The following SYN2 variants were observed in gnomAD, a reference collection of about 807,000 sequenced individuals.
The protein encoded by SYN2 is synapsin-2.
SYN2 carries 19 observed loss-of-function variants against 50.9 expected under a neutral mutation model. The ratio of observed to expected loss-of-function variants is 0.37; its 90% confidence interval spans 0.26 to 0.55. The LOEUF (loss-of-function observed/expected upper bound fraction) is 0.55. Ranked by LOEUF, SYN2 falls within the 20% of genes least tolerant of loss-of-function variation. The pLI, the probability that SYN2 is intolerant of heterozygous loss-of-function variation, is 0.81. For missense variants in SYN2, 587 were observed against 576.4 expected (o/e 1.02, Z -0.19); for synonymous variants, 255 against 224.9 (o/e 1.13, Z -1.20).
chr3:12,081,423 CA>C (rs1453011930), intron 1 of SYN2, among the ~76,000 whole-genome samples: 1 of 151,950 alleles, frequency 6.6e-6, no homozygotes, highest in Non-Finnish European at 1.5e-5. Flanking sequence ...TTTTTGTGCA[CA>C]TTATTAGATT....
chr3:12,108,624 T>A (rs1306706159), intron 1 of SYN2, among the ~76,000 whole-genome samples: 1 of 152,238 alleles, frequency 6.6e-6, no homozygotes, highest in Non-Finnish European at 1.5e-5. Flanking sequence ...ACAGAGTCCC[T>A]CTTTTTTGTA....
intron 2 of SYN2, among the ~76,000 whole-genome samples, 169 bp from the exon 3 acceptor site, chr3:12,141,736 T>A (rs994757561): frequency 6.6e-6 from 1 of 152,234 alleles, no homozygotes; most frequent in Non-Finnish European, 1.5e-5. Context: ...GATAATTATC[T>A]CTGTCCCACC....
intron 1 of SYN2, among the ~76,000 whole-genome samples, chr3:12,005,474 T>TGGC (rs1291466186): frequency 2.6e-5 from 4 of 152,016 alleles, no homozygotes; most frequent in Non-Finnish European, 4.4e-5. Flanking sequence ...ACACATGTAG[T>TGGC]GGCCCAGGTG....
chr3:12,083,736 G>A (rs918930490), intron 1 of SYN2, among the ~76,000 whole-genome samples: 1 of 152,156 alleles, frequency 6.6e-6, no homozygotes, highest in African/African-American at 2.4e-5. Context: ...GTGGTCTCTG[G>A]TGAGAATGAT....
At chr3:12,122,792 G>C (rs963810192) in intron 1 of SYN2, among the ~76,000 whole-genome samples, 1 of 151,798 alleles carries the variant, frequency 6.6e-6, no homozygotes, top group African/African-American at 2.4e-5. Context: ...ACCCTCTTAA[G>C]CTGTTAAAAA....
chr3:12,045,537 C>T (rs1425403854), intron 1 of SYN2, among the ~76,000 whole-genome samples: 1 of 152,142 alleles, frequency 6.6e-6, no homozygotes, highest in Non-Finnish European at 1.5e-5. Context: ...GAGAGACTAC[C>T]ACCACTATTG....
At chr3:12,047,869 G>A (rs1039322422) in intron 1 of SYN2, among the ~76,000 whole-genome samples, 3 of 152,196 alleles carry the variant, frequency 2.0e-5, no homozygotes, top group African/African-American at 7.2e-5. Flanking sequence ...TTTGAAGAAA[G>A]CATTTAACCT....
chr3:12,123,231 A>G (rs968847470), intron 1 of SYN2, among the ~76,000 whole-genome samples: 6 of 152,244 alleles, frequency 3.9e-5, no homozygotes, highest in South Asian at 2.1e-4. Flanking sequence ...AAAGACATCA[A>G]TTGGGAAGCA....
intron 1 of SYN2, among the ~76,000 whole-genome samples, chr3:12,097,771 A>T (rs1011487955): frequency 2.0e-5 from 3 of 152,164 alleles, no homozygotes; most frequent in Non-Finnish European, 2.9e-5. Context: ...ACCAAACCCC[A>T]CATGTTCTCA....
chr3:12,143,712 A>G (rs1490643332), intron 3 of SYN2, among the ~76,000 whole-genome samples: 1 of 152,134 alleles, frequency 6.6e-6, no homozygotes, highest in East Asian at 1.9e-4. Context: ...GGTTGATTCC[A>G]TGACTTTGCT....
intron 1 of SYN2, among the ~76,000 whole-genome samples, chr3:12,025,039 G>A (rs986906669): frequency 9.2e-5 from 14 of 152,174 alleles, no homozygotes; most frequent in East Asian, 1.9e-4. Context: ...CAGGGTGCCA[G>A]CGTGATTGGG....
chr3:12,153,362 C>A (rs1398140409), intron 5 of SYN2: 4 of 885,462 alleles, frequency 4.5e-6, no homozygotes, highest in Non-Finnish European at 7.2e-6. Flanking sequence ...GTCATGGCCC[C>A]TTCCCTGCCT....
chr3:12,094,428 G>A (rs1239198564), intron 1 of SYN2, among the ~76,000 whole-genome samples: 1 of 152,224 alleles, frequency 6.6e-6, no homozygotes, highest in Non-Finnish European at 1.5e-5. Context: ...ACAGCCTAAA[G>A]ATAGGAAATA....
chr3:12,004,774 A>C lies in SYN2; in HGVS notation c.223A>C (p.Thr75Pro), dbSNP rs1468510480. 6.5e-6 allele frequency: 2 copies of C among 308,462 alleles called. No individual in the cohort carries two copies. The highest frequency in any genetic ancestry group is 5.9e-5 in the Admixed American group (1 of 17,042). The allele number at this position is 308,462 out of a possible 1,614,324, so 19.1% of individuals were successfully genotyped here. Reference sequence around the variant, plus strand: ...GGCGCCCGCGCCGCAGCCCGCGCCGACGCCGTCGGTGGGCAGCAGCTTCTT... The same window carrying C: ...GGCGCCCGCGCCGCAGCCCGCGCCGCCGCCGTCGGTGGGCAGCAGCTTCTT... ...ASAPAPQPAP[T>P]PSVGSSFFSS... The change falls in exon 1 of 13, where the codon ACG becomes CCG. Residue 75 changes from threonine (T) to proline (P), a missense_variant. Thr to Pro is a conservative substitution (Grantham distance 38). Transcript: ENST00000621198.
intron 1 of SYN2, among the ~76,000 whole-genome samples, chr3:12,105,460 T>C (rs1574943320): frequency 7.4e-6 from 1 of 135,614 alleles, no homozygotes; most frequent in East Asian, 2.2e-4. Flanking sequence ...TTTCTTTCCT[T>C]TTCAGGGGCT....
intron 3 of SYN2, among the ~76,000 whole-genome samples, chr3:12,142,198 G>C (rs953525645): frequency 6.6e-6 from 1 of 152,210 alleles, no homozygotes; most frequent in Non-Finnish European, 1.5e-5. Flanking sequence ...TCCAGTGGTA[G>C]AGAAAACAAC....
intron 1 of SYN2, among the ~76,000 whole-genome samples, chr3:12,119,526 C>G (rs1207808491): frequency 6.6e-6 from 1 of 152,206 alleles, no homozygotes; most frequent in Non-Finnish European, 1.5e-5. Context: ...TTTTTCCCCC[C>G]TAACAGCTGT....
At chr3:12,019,903 C>T (rs1275623185) in intron 1 of SYN2, among the ~76,000 whole-genome samples, 1 of 152,198 alleles carries the variant, frequency 6.6e-6, no homozygotes, top group Non-Finnish European at 1.5e-5. Context: ...TACCCTTTCT[C>T]TGTGCGGCTA....
chr3:12,107,293 T>C (rs1696213734), intron 1 of SYN2, among the ~76,000 whole-genome samples: 1 of 152,228 alleles, frequency 6.6e-6, no homozygotes, highest in Admixed American at 6.5e-5. Context: ...ATCTTTGGAA[T>C]TGAAAGTCTG....
Sources: allele counts gnomAD v4.1 joint callset (sites outside exome capture counted in the v4.1 genomes callset), GRCh38; gene constraint gnomAD v4.1.1; transcripts MANE v1.5; gene names NCBI Gene and HGNC (gene_info 2026-07-23, HGNC 2026-07-21).